The following PCDH11X variants were observed in gnomAD, a reference collection of about 807,000 sequenced individuals.
PCDH11X encodes the protein protocadherin-11 X-linked.
Under a neutral mutation model 53.3 loss-of-function variants are expected in PCDH11X, and 18 were observed. That is an observed-to-expected ratio of 0.34 (90% confidence interval 0.23 to 0.50). PCDH11X has a LOEUF of 0.50. PCDH11X is among the 20% of genes least tolerant of loss of function. PCDH11X has a pLI of 0.98. For missense variants in PCDH11X, 570 were observed against 1,032.4 expected (o/e 0.55, Z 6.14); for synonymous variants, 279 against 393.3 (o/e 0.71, Z 3.44).
intron 10 of PCDH11X, among the ~76,000 whole-genome samples, chrX:92,534,691 C>A (rs368771935): frequency 4.5e-5 from 5 of 111,499 alleles, no homozygotes; most frequent in Non-Finnish European, 9.4e-5. Flanking sequence ...GCCCGTCAGA[C>A]TAACAGCAGA....
At chrX:92,204,167 A>G (rs780875939) in intron 7 of PCDH11X, among the ~76,000 whole-genome samples, 1 of 111,893 alleles carries the variant, frequency 8.9e-6, no homozygotes, top group African/African-American at 3.2e-5. Flanking sequence ...GAAGGTCTCT[A>G]ACATGTCCTG....
chrX:92,091,385 T>A (rs2064045846), intron 6 of PCDH11X, among the ~76,000 whole-genome samples: 1 of 110,319 alleles, frequency 9.1e-6, no homozygotes, highest in Admixed American at 9.7e-5. Context: ...GACATGCCTA[T>A]CTTTGCATTT....
intron 6 of PCDH11X, among the ~76,000 whole-genome samples, chrX:92,108,149 G>T (rs1423708807): frequency 9.0e-6 from 1 of 111,728 alleles, no homozygotes; most frequent in Non-Finnish European, 1.9e-5. Context: ...TCAAAATGCA[G>T]ATTTCCTCAA....
At chrX:92,439,600 CAT>C (rs1342621630) in intron 9 of PCDH11X, among the ~76,000 whole-genome samples, 2 of 110,221 alleles carry the variant, frequency 1.8e-5, no homozygotes, top group Non-Finnish European at 3.8e-5. Flanking sequence ...TGTATAAAGA[CAT>C]AAACTATTTA....
At chrX:91,896,979 T>C (rs1940775630) in intron 6 of PCDH11X, among the ~76,000 whole-genome samples, 1 of 93,191 alleles carries the variant, frequency 1.1e-5, no homozygotes, top group South Asian at 5.5e-4. Context: ...CTATTTAAGC[T>C]CAGGCAGATA....
intron 10 of PCDH11X, among the ~76,000 whole-genome samples, chrX:92,580,407 T>C (rs2148785284): frequency 9.7e-6 from 1 of 103,334 alleles, no homozygotes; most frequent in East Asian, 2.8e-4. Context: ...GTCTCAGGGA[T>C]ATCAGAGTTC....
At chrX:92,032,947 T>G (rs2063074621) in intron 6 of PCDH11X, among the ~76,000 whole-genome samples, 1 of 107,289 alleles carries the variant, frequency 9.3e-6, no homozygotes, top group Non-Finnish European at 1.9e-5. Flanking sequence ...CCCAAAGAAC[T>G]GGGACTACAG....
chrX:92,246,955 AT>A (rs1479804140), intron 7 of PCDH11X, among the ~76,000 whole-genome samples: 2 of 111,440 alleles, frequency 1.8e-5, no homozygotes, highest in Non-Finnish European at 3.8e-5. Context: ...TGTTATTCCA[AT>A]TTTACAGATT....
chrX:92,373,608 C>T (rs1163157231), intron 8 of PCDH11X, among the ~76,000 whole-genome samples: 3 of 111,186 alleles, frequency 2.7e-5, no homozygotes, highest in Non-Finnish European at 5.6e-5. Context: ...AAGAAAGGAG[C>T]GGAATATAAC....
At chrX:92,110,442 G>T (rs1209381185) in intron 6 of PCDH11X, among the ~76,000 whole-genome samples, 1 of 107,762 alleles carries the variant, frequency 9.3e-6, no homozygotes, top group East Asian at 2.9e-4. Flanking sequence ...GATGCACCCG[G>T]GAGACAGGTC....
At chrX:92,254,070 A>T (rs2067514107) in intron 7 of PCDH11X, among the ~76,000 whole-genome samples, 1 of 112,054 alleles carries the variant, frequency 8.9e-6, no homozygotes, top group Non-Finnish European at 1.9e-5. Context: ...AGTCTGTCAT[A>T]TATGGCTTTT....
chrX:91,825,729 G>C (rs1268258433), intron 4 of PCDH11X, among the ~76,000 whole-genome samples: 1 of 107,893 alleles, frequency 9.3e-6, no homozygotes, highest in Non-Finnish European at 1.9e-5. Flanking sequence ...AGCACTTACT[G>C]TGTATTTGGT....
chrX:92,470,139 G>A (rs2073233147), intron 10 of PCDH11X, among the ~76,000 whole-genome samples: 1 of 108,496 alleles, frequency 9.2e-6, no homozygotes, highest in Admixed American at 9.9e-5. Context: ...TATTTTATTT[G>A]TAGCTATTGT....
intron 6 of PCDH11X, among the ~76,000 whole-genome samples, chrX:92,151,555 GT>G (rs1487865914): frequency 9.0e-6 from 1 of 111,165 alleles, no homozygotes; most frequent in African/African-American, 3.3e-5. Flanking sequence ...TTATTGAAAT[GT>G]TTTTTCTCTA....
intron 4 of PCDH11X, among the ~76,000 whole-genome samples, chrX:91,827,076 A>T (rs1936949827): frequency 9.0e-6 from 1 of 111,427 alleles, no homozygotes; most frequent in Non-Finnish European, 1.9e-5. Flanking sequence ...TTACACTCCC[A>T]CCAACATTGT....
At chrX:92,048,699 C>T (rs1274883250) in intron 6 of PCDH11X, among the ~76,000 whole-genome samples, 1 of 110,333 alleles carries the variant, frequency 9.1e-6, no homozygotes, top group Non-Finnish European at 1.9e-5. Flanking sequence ...CTCATGATTT[C>T]TCATCAAATA....
rs371076730 is a variant in PCDH11X, at chrX:91,879,240, C to G, written c.3000C>G (p.Thr1000=). ...CTGACTGTGGCTATCCAGTGACGACCTTCGAGGTACCTGTGTCCGTACACA... is the reference window on the plus strand; with the variant it reads ...CTGACTGTGGCTATCCAGTGACGACGTTCGAGGTACCTGTGTCCGTACACA... The part of the protein sequence containing the change: ...SVSDCGYPVT[T]FEVPVSVHTR... The change falls in exon 6 of 11, where the codon ACC becomes ACG. Residue 1000 remains threonine, a synonymous_variant. Transcript: ENST00000682573. 27 of 1,209,862 alleles carry G rather than the reference C, an allele frequency of 2.2e-5. No individual in the cohort carries two copies. Among genetic ancestry groups the G allele is most frequent in the Non-Finnish European group, 2.9e-5 (26 of 895,213 alleles).
intron 8 of PCDH11X, among the ~76,000 whole-genome samples, chrX:92,341,730 ACT>A (rs988850442): frequency 1.5e-4 from 17 of 111,276 alleles, no homozygotes; most frequent in Middle Eastern, 9.1e-3. Context: ...TGATCTAATT[ACT>A]CTCACCAGGC....
chrX:92,326,605 C>A (rs2148498933), intron 8 of PCDH11X, among the ~76,000 whole-genome samples: 2 of 49,571 alleles, frequency 4.0e-5, no homozygotes, highest in African/African-American at 1.2e-4. Flanking sequence ...ATATTATTTT[C>A]AATTATTTTT....
Sources: allele counts gnomAD v4.1 joint callset (sites outside exome capture counted in the v4.1 genomes callset), GRCh38; gene constraint gnomAD v4.1.1; transcripts MANE v1.5; gene names NCBI Gene and HGNC (gene_info 2026-07-23, HGNC 2026-07-21).